The following MAST4 variants were observed in gnomAD, a reference collection of about 807,000 sequenced individuals.
The protein encoded by MAST4 is microtubule associated serine/threonine kinase family member 4, also known as microtubule-associated serine/threonine-protein kinase 4.
MAST4 carries 89 observed loss-of-function variants against 162.7 expected under a neutral mutation model. The ratio of observed to expected loss-of-function variants is 0.55; its 90% CI spans 0.46 to 0.65. The LOEUF is 0.65. MAST4 is among the 30% of genes least tolerant of loss of function. The pLI is 0.00. For missense variants in MAST4, 3,153 were observed against 3,374.0 expected (o/e 0.93, Z 1.62); for synonymous variants, 1,479 against 1,361.1 (o/e 1.09, Z -1.91).
At chr5:66,633,176 C>T (rs1247792650) in intron 1 of MAST4, among the ~76,000 whole-genome samples, 1 of 152,200 alleles carries the variant, frequency 6.6e-6, no homozygotes, top group Non-Finnish European at 1.5e-5. Flanking sequence ...TTCATTGCCC[C>T]TTTGCCCTTG....
intron 1 of MAST4, among the ~76,000 whole-genome samples, chr5:66,698,324 C>G (rs995336190): frequency 6.6e-6 from 1 of 151,996 alleles, no homozygotes; most frequent in East Asian, 1.9e-4. Flanking sequence ...CTCCTCCTCT[C>G]CTTGTCTCAA....
Position 66,883,792 on chromosome 5 carries a change from G to A in MAST4, c.643-16159G>A, listed in dbSNP as rs531166446. On this transcript the variant is annotated intron_variant, in intron 3 of 28. Transcript: ENST00000403625. The stretch of plus-strand genomic sequence containing the variant: ...GGTTTATCTTTCATGTGAACTGCAG[G>A]CCTACCTATGGTATGGTAGTCATGT... 1.1e-4 allele frequency among the ~76,000 whole-genome samples: 16 copies of A among 152,262 alleles called. No homozygotes were observed. The South Asian group carries it at 3.3e-3, about 32-fold the overall frequency.
At chr5:66,926,999 G>C (rs779382002) in intron 4 of MAST4, among the ~76,000 whole-genome samples, 2 of 152,128 alleles carry the variant, frequency 1.3e-5, no homozygotes. Context: ...ATACAGGTAG[G>C]TATTCGTTAT....
At chr5:67,109,605 G>A (rs1765989159) in intron 10 of MAST4, among the ~76,000 whole-genome samples, 1 of 152,120 alleles carries the variant, frequency 6.6e-6, no homozygotes, top group African/African-American at 2.4e-5. Flanking sequence ...CTTCTTACGT[G>A]TGATAATATA....
At chr5:66,774,798 T>TA (rs1754510008) in intron 2 of MAST4, among the ~76,000 whole-genome samples, 1 of 152,232 alleles carries the variant, frequency 6.6e-6, no homozygotes, top group Non-Finnish European at 1.5e-5. Context: ...TTAGCATACA[T>TA]ATTCAAGTTT....
intron 1 of MAST4, among the ~76,000 whole-genome samples, chr5:66,747,752 A>G (rs956529082): frequency 6.6e-6 from 1 of 152,154 alleles, no homozygotes; most frequent in African/African-American, 2.4e-5. Context: ...GGCATTGCTG[A>G]TGCTTTGAGC....
chr5:66,823,153 C>A (rs258265), intron 3 of MAST4, among the ~76,000 whole-genome samples: 24,015 of 152,000 alleles, frequency 0.16, 2,218 homozygotes, highest in East Asian at 0.43. Context: ...AGGTGGCTTG[C>A]TTCCCCTTTA....
intron 24 of MAST4, among the ~76,000 whole-genome samples, chr5:67,150,797 A>G (rs1771701463): frequency 6.6e-6 from 1 of 152,198 alleles, no homozygotes; most frequent in South Asian, 2.1e-4. Context: ...GCCAGCATGC[A>G]TCTCTTCCCC....
chr5:66,704,983 G>A (rs768636619), intron 1 of MAST4, among the ~76,000 whole-genome samples: 6 of 152,242 alleles, frequency 3.9e-5, no homozygotes, highest in Non-Finnish European at 7.4e-5. Context: ...GAGAGTTTTT[G>A]TTCTTCCTGG....
chr5:66,706,852 A>T (rs1260925032), intron 1 of MAST4, among the ~76,000 whole-genome samples: 1 of 152,208 alleles, frequency 6.6e-6, no homozygotes, highest in Non-Finnish European at 1.5e-5. Flanking sequence ...CTTTGCTTTT[A>T]GGCCTCATTA....
In MAST4 at chr5:66,803,122, T is replaced by A. The variant is rs185054030; in HGVS notation, c.642+14328T>A. ...GTGTCCATTAGTAAAATAGGAATGG[T>A]TAATCCTGGCAACATTGTTGTAATA... On this transcript the variant is annotated intron_variant, in intron 3 of 28. Transcript: ENST00000403625. Among the ~76,000 whole-genome samples the A allele has an allele frequency of 1.2e-3, 183 of 152,288 alleles. 1 individual carries two copies. Among genetic ancestry groups the A allele is most frequent in the Non-Finnish European group, 1.9e-3 (130 of 68,010 alleles).
chr5:66,883,916 C>T (rs547556941), intron 3 of MAST4, among the ~76,000 whole-genome samples: 3 of 152,142 alleles, frequency 2.0e-5, no homozygotes, highest in East Asian at 1.9e-4. Context: ...TTTTTGGATG[C>T]GTTGCTGCAA....
At chr5:66,987,522 A>C (rs1475364028) in intron 4 of MAST4, among the ~76,000 whole-genome samples, 1 of 152,062 alleles carries the variant, frequency 6.6e-6, no homozygotes. Flanking sequence ...AATGGTCCCT[A>C]AAGTATGGTG....
At chr5:67,004,890 G>T in intron 4 of MAST4, 1 of 672,062 alleles carries the variant, frequency 1.5e-6, no homozygotes, top group South Asian at 1.6e-5. Context: ...GTAGATAATT[G>T]GGATTTTTTT....
intron 14 of MAST4, among the ~76,000 whole-genome samples, chr5:67,128,487 A>T (rs1581660173): frequency 6.6e-6 from 1 of 152,226 alleles, no homozygotes; most frequent in East Asian, 1.9e-4. Context: ...AGCAAAGCAA[A>T]AATAATAATA....
At chr5:67,155,302 C>T (rs1772349998) in intron 26 of MAST4, among the ~76,000 whole-genome samples, 1 of 152,192 alleles carries the variant, frequency 6.6e-6, no homozygotes, top group Non-Finnish European at 1.5e-5. Flanking sequence ...TTATCCAGTT[C>T]AGCTCCCCAC....
intron 3 of MAST4, among the ~76,000 whole-genome samples, chr5:66,822,481 T>C (rs737455): frequency 0.048 from 7,315 of 152,244 alleles, 266 homozygotes; most frequent in South Asian, 0.13. Context: ...ATAAATGTGT[T>C]ATATTTAGGA....
intron 1 of MAST4, among the ~76,000 whole-genome samples, chr5:66,664,585 T>C (rs961692208): frequency 1.3e-5 from 2 of 149,606 alleles, no homozygotes; most frequent in South Asian, 4.3e-4. Flanking sequence ...GAGCTAGAAA[T>C]AGTACTTTGG....
At chr5:66,978,958 A>C (rs1561498522) in intron 4 of MAST4, among the ~76,000 whole-genome samples, 2 of 152,262 alleles carry the variant, frequency 1.3e-5, no homozygotes, top group East Asian at 3.9e-4. Context: ...GCAGAAAAGG[A>C]ATGATGAAGA....
Sources: allele counts gnomAD v4.1 joint callset (sites outside exome capture counted in the v4.1 genomes callset), GRCh38; gene constraint gnomAD v4.1.1; transcripts MANE v1.5; gene names NCBI Gene and HGNC (gene_info 2026-07-23, HGNC 2026-07-21).